Variants in EIF2B3 observed in about 807,000 individuals in gnomAD.
The protein encoded by EIF2B3 is eukaryotic translation initiation factor 2B subunit gamma, also known as translation initiation factor eIF2B subunit gamma.
A neutral mutation model predicts 54.1 loss-of-function variants in EIF2B3; 20 were observed. That is an observed-to-expected ratio of 0.37 (90% confidence interval 0.26 to 0.54). EIF2B3 has a LOEUF of 0.54. Among genes scored for constraint, EIF2B3 ranks in the 20% least tolerant of loss-of-function variants. The pLI, the probability that EIF2B3 is intolerant of heterozygous loss-of-function variation, is 0.86. For missense variants in EIF2B3, 448 were observed against 547.8 expected (o/e 0.82, Z 1.82); for synonymous variants, 153 against 188.1 (o/e 0.81, Z 1.52).
chr1:44,916,810 CAAAAAAA>C (rs58666630), intron 5 of EIF2B3, among the ~76,000 whole-genome samples: 2 of 111,338 alleles, frequency 1.8e-5, no homozygotes, highest in Admixed American at 9.7e-5. Flanking sequence ...GATTCTGTCG[CAAAAAAA>C]AAAAAAGAAA....
chr1:44,879,180 C>T (rs545129878), intron 8 of EIF2B3, among the ~76,000 whole-genome samples: 2 of 152,288 alleles, frequency 1.3e-5, no homozygotes, highest in South Asian at 4.1e-4. Context: ...TTCCTTTATA[C>T]CTTCAGCCTC....
At chr1:44,854,088 C>T (rs529287296) in intron 11 of EIF2B3, among the ~76,000 whole-genome samples, 19 of 151,284 alleles carry the variant, frequency 1.3e-4, no homozygotes, top group African/African-American at 1.9e-4. Flanking sequence ...CTGCAACCTC[C>T]GCCTCCCAGG....
chr1:44,873,146 C>G (rs930428843), intron 10 of EIF2B3, among the ~76,000 whole-genome samples: 1 of 152,160 alleles, frequency 6.6e-6, no homozygotes, highest in Non-Finnish European at 1.5e-5. Flanking sequence ...TATCAGCATA[C>G]CACTGGTAGC....
intron 3 of EIF2B3, among the ~76,000 whole-genome samples, chr1:44,976,513 T>C (rs1054879438): frequency 1.3e-5 from 2 of 152,196 alleles, no homozygotes; most frequent in Non-Finnish European, 2.9e-5. Context: ...AAGTATAAAA[T>C]GGTACAATCA....
At chr1:44,946,631 T>TC (rs1569810701) in intron 3 of EIF2B3, among the ~76,000 whole-genome samples, 1 of 149,416 alleles carries the variant, frequency 6.7e-6, no homozygotes, top group East Asian at 1.9e-4. Context: ...CTTCTTCTTT[T>TC]TTTTTTTTTT....
chr1:44,946,028 G>C (rs530746268), intron 3 of EIF2B3, among the ~76,000 whole-genome samples: 2 of 152,306 alleles, frequency 1.3e-5, no homozygotes, highest in South Asian at 4.1e-4. Context: ...AAATCTGTCA[G>C]TACAGTGAAT....
chr1:44,965,338 C>G (rs1466066875), intron 3 of EIF2B3, among the ~76,000 whole-genome samples: 1 of 152,098 alleles, frequency 6.6e-6, no homozygotes, highest in African/African-American at 2.4e-5. Context: ...ACTATCTAAT[C>G]TACATATAAA....
chr1:44,982,155 C>G (rs1030205344), intron 1 of EIF2B3, among the ~76,000 whole-genome samples: 4 of 152,044 alleles, frequency 2.6e-5, no homozygotes, highest in Non-Finnish European at 5.9e-5. Flanking sequence ...CCTAGATTTA[C>G]AGAACACAAT....
intron 11 of EIF2B3, among the ~76,000 whole-genome samples, chr1:44,856,494 G>A (rs986922941): frequency 2.1e-5 from 3 of 142,282 alleles, no homozygotes; most frequent in East Asian, 2.0e-4. Flanking sequence ...CAGCCTAGGC[G>A]ACAGAGCAAG....
At chr1:44,891,938 T>G (rs1655811854) in intron 6 of EIF2B3, among the ~76,000 whole-genome samples, 1 of 152,182 alleles carries the variant, frequency 6.6e-6, no homozygotes, top group South Asian at 2.1e-4. Flanking sequence ...GGCATCTTGC[T>G]ATGTTGCCTA....
chr1:44,918,618 T>C (rs1643675757), intron 5 of EIF2B3, among the ~76,000 whole-genome samples: 2 of 152,198 alleles, frequency 1.3e-5, no homozygotes, highest in South Asian at 4.2e-4. Flanking sequence ...TTCAAACTCC[T>C]GGCCTCAGGT....
At chr1:44,907,805 G>A (rs899175517) in intron 5 of EIF2B3, among the ~76,000 whole-genome samples, 2 of 145,352 alleles carry the variant, frequency 1.4e-5, no homozygotes, top group African/African-American at 5.2e-5. Flanking sequence ...CAGGAGAATC[G>A]CTTGAACCCA....
intron 1 of EIF2B3, among the ~76,000 whole-genome samples, chr1:44,982,145 C>T (rs557607776): frequency 2.0e-5 from 3 of 152,078 alleles, no homozygotes; most frequent in South Asian, 2.1e-4. Context: ...TGTATCTGAA[C>T]CTAGATTTAC....
intron 3 of EIF2B3, among the ~76,000 whole-genome samples, chr1:44,961,259 G>A (rs1335302348): frequency 6.7e-6 from 1 of 148,766 alleles, no homozygotes; most frequent in African/African-American, 2.5e-5. Context: ...CGAGGCTGCA[G>A]TGAGCCATGA....
intron 5 of EIF2B3, among the ~76,000 whole-genome samples, chr1:44,906,741 C>T (rs1348142962): frequency 6.6e-6 from 1 of 152,158 alleles, no homozygotes; most frequent in Admixed American, 6.5e-5. Flanking sequence ...CATTCCCCAC[C>T]CTTGAGGTTC....
At chr1:44,899,678 C>T (rs947483104) in intron 5 of EIF2B3, among the ~76,000 whole-genome samples, 5 of 152,064 alleles carry the variant, frequency 3.3e-5, no homozygotes, top group South Asian at 2.1e-4. Context: ...ACAACAACAA[C>T]AACAACAGAT....
intron 3 of EIF2B3, among the ~76,000 whole-genome samples, chr1:44,946,082 T>C (rs1482025897): frequency 6.6e-6 from 1 of 152,218 alleles, no homozygotes; most frequent in Non-Finnish European, 1.5e-5. Context: ...GTAGGCTCAT[T>C]TCTCTCTTTG....
intron 6 of EIF2B3, among the ~76,000 whole-genome samples, chr1:44,893,288 C>A (rs1655860762): frequency 6.6e-6 from 1 of 152,196 alleles, no homozygotes; most frequent in Non-Finnish European, 1.5e-5. Flanking sequence ...CTTGCCATGG[C>A]TGCCTATCCC....
chr1:44,973,063 G>C (rs572247970), intron 3 of EIF2B3, among the ~76,000 whole-genome samples: 1 of 152,270 alleles, frequency 6.6e-6, no homozygotes, highest in South Asian at 2.1e-4. Flanking sequence ...AGAAAAGAAA[G>C]AGAGAAAGAG....
Sources: gnomAD v4.1 joint callset for allele counts (sites outside exome capture counted in the v4.1 genomes callset) on GRCh38, gnomAD v4.1.1 for gene constraint, MANE v1.5 for transcripts, NCBI Gene and HGNC (gene_info 2026-07-23, HGNC 2026-07-21) for gene names.